MARK3: variants seen among roughly 807,000 people sequenced by gnomAD.
MARK3 encodes MAP/microtubule affinity-regulating kinase 3.
MARK3 carries 46 observed loss-of-function variants against 90.1 expected under a neutral mutation model. The ratio of observed to expected loss-of-function variants is 0.51; its 90% CI spans 0.40 to 0.65. MARK3 has a LOEUF of 0.65. Among genes scored for constraint, MARK3 ranks in the 30% least tolerant of loss-of-function variants. The pLI, the probability that MARK3 is intolerant of heterozygous loss-of-function variation, is 0.00. For missense variants in MARK3, 818 were observed against 947.2 expected, an observed-to-expected ratio of 0.86 and a Z score of 1.79; for synonymous variants, 321 against 332.6, an observed-to-expected ratio of 0.97 and a Z score of 0.38.
intron 14 of MARK3, chr14:103,491,141 G>A: frequency 8.1e-7 from 1 of 1,234,964 alleles, no homozygotes; most frequent in Non-Finnish European, 1.1e-6. Flanking sequence ...TGAAACTAAT[G>A]TGTACCCACT....
At chr14:103,489,740 C>T (rs911521847) in intron 14 of MARK3, 1 of 152,174 alleles carries the variant, frequency 6.6e-6, no homozygotes, top group African/African-American at 2.4e-5. Context: ...TGTATTCCTA[C>T]TTATCCTTAA....
intron 3 of MARK3, among the ~76,000 whole-genome samples, chr14:103,440,659 A>G (rs2092827626): frequency 6.6e-6 from 1 of 152,268 alleles, no homozygotes. Flanking sequence ...TTGGCCAGGC[A>G]TAGTGGCTTC....
intron 2 of MARK3, among the ~76,000 whole-genome samples, chr14:103,418,908 G>A (rs901321544): frequency 2.6e-5 from 4 of 151,922 alleles, no homozygotes; most frequent in African/African-American, 7.3e-5. Context: ...GCCACTAATC[G>A]TCATAATTGT....
chr14:103,437,912 G>A (rs538401142), intron 3 of MARK3, among the ~76,000 whole-genome samples: 17 of 152,220 alleles, frequency 1.1e-4, no homozygotes, highest in African/African-American at 3.9e-4. Context: ...GTTGGGATTA[G>A]GTAGTATAGC....
At chr14:103,460,776 C>T (rs1477989191) in intron 6 of MARK3, among the ~76,000 whole-genome samples, 3 of 152,154 alleles carry the variant, frequency 2.0e-5, no homozygotes, top group Non-Finnish European at 4.4e-5. Flanking sequence ...ATAAAATTTA[C>T]CTGTGTCCTA....
intron 11 of MARK3, 176 bp downstream of exon 11, chr14:103,467,367 C>T (rs1361725724): frequency 1.4e-5 from 6 of 430,076 alleles, no homozygotes; most frequent in African/African-American, 2.0e-5. Context: ...TAACTTAACC[C>T]TTAATGATGG....
At chr14:103,428,081 T>C (rs987305114) in intron 2 of MARK3, among the ~76,000 whole-genome samples, 6 of 152,178 alleles carry the variant, frequency 3.9e-5, no homozygotes. Flanking sequence ...TCCTTAAGAA[T>C]TGTAGCGGGA....
rs566143959 is a variant in MARK3 at position 103,437,528 on chromosome 14, A to T, written c.297+9088A>T. ...CCTGGGTTCAAGCATCCTCCTTCCG[A>T]GGATTCCAATCTGCCTTCCAAGGAG... is the stretch of plus-strand genomic sequence containing the variant. On this transcript the variant is annotated intron_variant, in intron 3 of 17. Transcript: ENST00000429436. Among the ~76,000 whole-genome samples the T allele has an allele frequency of 3.9e-5, 6 of 152,346 alleles. No homozygotes were observed. The South Asian group carries it at 1.2e-3, about 32-fold the overall frequency.
chr14:103,468,311 C>CT (rs1220087534), intron 12 of MARK3, 125 bp downstream of exon 12: 53 of 155,390 alleles, frequency 3.4e-4, no homozygotes, highest in Non-Finnish European at 5.1e-4. Context: ...TTCTTTCTTT[C>CT]TTCTTTTTTT....
intron 14 of MARK3, among the ~76,000 whole-genome samples, chr14:103,481,254 C>T (rs889065637): frequency 9.9e-5 from 15 of 152,194 alleles, no homozygotes; most frequent in Admixed American, 8.5e-4. Flanking sequence ...CTGTTCAGAA[C>T]AAATTTCCCA....
chr14:103,503,020 C>T lies in MARK3; in HGVS notation c.2055C>T (p.Ala685=), dbSNP rs375193957. The T allele has an allele frequency of 3.7e-6, 6 of 1,614,084 alleles. No individual in the cohort carries two copies. Among genetic ancestry groups the T allele is most frequent in the African/African-American group, 2.7e-5 (2 of 74,922 alleles). ...GGGAAATCCGCAAAGTGTTGGACGC[C>T]AATAACTGCGACTATGAGCAGAGGG... ...MMREIRKVLD[A]NNCDYEQRER... The change falls in exon 18 of 18, where the codon GCC becomes GCT. Residue 685 remains alanine, a synonymous_variant. Transcript: ENST00000429436.
chr14:103,419,169 G>T (rs946249423), intron 2 of MARK3, among the ~76,000 whole-genome samples: 12 of 152,176 alleles, frequency 7.9e-5, no homozygotes, highest in African/African-American at 2.7e-4. Flanking sequence ...GCGGGCGCCT[G>T]TAGTCCCAGC....
chr14:103,393,957 C>T (rs560513654), intron 1 of MARK3, among the ~76,000 whole-genome samples: 1 of 152,196 alleles, frequency 6.6e-6, no homozygotes, highest in South Asian at 2.1e-4. Context: ...TGGTCTCAAA[C>T]TCCTCACCTT....
rs574200353 is a variant in MARK3 at position 103,397,501 on chromosome 14, A to G, written c.52-7575A>G. On this transcript the variant is annotated intron_variant, in intron 1 of 17. Transcript: ENST00000429436. ...GCCACCATGCCTGGCTAATTTTTTTATTTTTAGTAGAGATGGGGTTTCACC... is the reference window on the plus strand; with the variant it reads ...GCCACCATGCCTGGCTAATTTTTTTGTTTTTAGTAGAGATGGGGTTTCACC... Among the ~76,000 whole-genome samples the G allele has an allele frequency of 2.0e-4, 30 of 151,670 alleles. No individual in the cohort carries two copies. In the South Asian group the frequency reaches 6.0e-3, roughly 31 times the overall value.
chr14:103,430,558 A>G (rs988309362), intron 3 of MARK3, among the ~76,000 whole-genome samples: 8 of 152,214 alleles, frequency 5.3e-5, no homozygotes, highest in African/African-American at 1.9e-4. Flanking sequence ...CTAGCAGCTA[A>G]CATTCATCAT....
At chr14:103,429,467 A>G (rs999959400) in intron 3 of MARK3, 2 of 152,232 alleles carry the variant, frequency 1.3e-5, no homozygotes, top group African/African-American at 4.8e-5. Context: ...AGTGCTCTAT[A>G]TACATTTCTA....
chr14:103,498,587 T>C, intron 16 of MARK3, 59 bp downstream of exon 16: 1 of 1,308,850 alleles, frequency 7.6e-7, no homozygotes, highest in Non-Finnish European at 9.8e-7. Context: ...GCTCCTGCAA[T>C]TAACATTAGG....
At chr14:103,479,039 A>T (rs2093770433) in intron 13 of MARK3, among the ~76,000 whole-genome samples, 1 of 151,894 alleles carries the variant, frequency 6.6e-6, no homozygotes, top group African/African-American at 2.4e-5. Flanking sequence ...TTTCTTGGGG[A>T]GGAGACGGTC....
In MARK3 at chr14:103,475,170, C is replaced by A; in HGVS notation, c.1442C>A (p.Ala481Glu). 6.2e-7 allele frequency: 1 copy of A among 1,613,892 alleles called. No homozygotes were observed. Among genetic ancestry groups the A allele is most frequent in the South Asian group, 1.1e-5 (1 of 91,062 alleles). Residue 481 changes from alanine (A) to glutamate (E), a missense_variant, in exon 13 of 18, where the codon GCG becomes GAG. By Grantham distance (107) the Ala-to-Glu change is moderately radical. This residue lies in a region of MARK3 where 560 missense variants were observed against 613.5 expected (regional missense o/e 0.91). Coordinates refer to ENST00000429436, the MANE Select transcript of MARK3 (RefSeq NM_001128918.3). The part of the protein sequence containing the change: ...MLGNASNPNK[A>E]DIPERKKSST... ...GGGAATGCAAGTAATCCTAATAAGG[C>A]GGATATTCCTGAACGCAAGAAAAGC...
Sources: allele counts gnomAD v4.1 joint callset (sites outside exome capture counted in the v4.1 genomes callset), GRCh38; gene constraint gnomAD v4.1.1; regional missense constraint gnomAD v4.1.1; transcripts MANE v1.5; gene names NCBI Gene and HGNC (gene_info 2026-07-23, HGNC 2026-07-21).